CWC27: variants seen among roughly 807,000 people sequenced by gnomAD.
CWC27 encodes CWC27 spliceosome associated cyclophilin.
Under a neutral mutation model 63.6 loss-of-function variants are expected in CWC27, and 47 were observed. The observed-to-expected ratio is 0.74, with a 90% CI of 0.58 to 0.94. The LOEUF (loss-of-function observed/expected upper bound fraction) is 0.94, where lower values mean the gene tolerates loss of function less well. Among genes scored for constraint, CWC27 ranks in the 40% least tolerant of loss-of-function variants. The pLI is 0.00. For missense variants in CWC27, 495 were observed against 554.3 expected, an observed-to-expected ratio of 0.89 and a Z score of 1.07; for synonymous variants, 175 against 179.8, an observed-to-expected ratio of 0.97 and a Z score of 0.22.
At chr5:64,779,409 A>T (rs1431364845) in intron 2 of CWC27, among the ~76,000 whole-genome samples, 1 of 152,194 alleles carries the variant, frequency 6.6e-6, no homozygotes, top group Non-Finnish European at 1.5e-5. Context: ...TTGTTTATTC[A>T]GTACTTCATA....
intron 9 of CWC27, among the ~76,000 whole-genome samples, 179 bp downstream of exon 9, chr5:64,801,511 C>G (rs1744485948): frequency 6.6e-6 from 1 of 151,838 alleles, no homozygotes; most frequent in African/African-American, 2.4e-5. Flanking sequence ...TTTCCTTACT[C>G]TAGGGGTGTG....
chr5:64,997,406 T>C (rs1749652435), intron 13 of CWC27, among the ~76,000 whole-genome samples: 1 of 152,174 alleles, frequency 6.6e-6, no homozygotes, highest in Non-Finnish European at 1.5e-5. Flanking sequence ...GAACAATCCG[T>C]GCTCAATAAA....
At chr5:64,919,667 T>G (rs1055655523) in intron 11 of CWC27, among the ~76,000 whole-genome samples, 3 of 152,220 alleles carry the variant, frequency 2.0e-5, no homozygotes, top group African/African-American at 4.8e-5. Flanking sequence ...GCCATCCATG[T>G]TGCTGCAAAG....
At chr5:64,831,832 T>C (rs1284095437) in intron 10 of CWC27, among the ~76,000 whole-genome samples, 1 of 151,944 alleles carries the variant, frequency 6.6e-6, no homozygotes, top group Non-Finnish European at 1.5e-5. Flanking sequence ...TTATTTTACA[T>C]TTTTATAACT....
intron 1 of CWC27, chr5:64,773,840 A>T (rs529894477): frequency 6.6e-6 from 1 of 152,308 alleles, no homozygotes; most frequent in South Asian, 2.1e-4. Flanking sequence ...ACCAAGGAGT[A>T]TCTGCTGTTA....
At chr5:64,973,995 G>A (rs144401206) in intron 12 of CWC27, among the ~76,000 whole-genome samples, 6 of 152,010 alleles carry the variant, frequency 3.9e-5, no homozygotes, top group African/African-American at 1.4e-4. Context: ...AGGACTTTGG[G>A]AGGCCAAGAT....
chr5:64,875,780 T>A (rs1437342057), intron 10 of CWC27, among the ~76,000 whole-genome samples: 2 of 152,250 alleles, frequency 1.3e-5, no homozygotes, highest in East Asian at 3.9e-4. Flanking sequence ...TAATCTCTTT[T>A]GTTAGACTGA....
Position 64,804,212 on chromosome 5 carries a change from A to AT in CWC27, c.781-13dup, listed in dbSNP as rs760410222. 3.5e-5 allele frequency: 55 copies of AT among 1,577,166 alleles called. No homozygotes were observed. Among genetic ancestry groups the AT allele is most frequent in the Non-Finnish European group, 4.7e-5 (54 of 1,160,674 alleles). On this transcript the variant is annotated splice_polypyrimidine_tract_variant and intron_variant, in intron 9 of 13. Transcript: ENST00000381070. ...GAAATTGAGCACCTGGCAAATACTCATTTTCCATTTCTACAGGATGGAGAA... is the reference window on the plus strand; with the variant it reads ...GAAATTGAGCACCTGGCAAATACTCATTTTTCCATTTCTACAGGATGGAGAA...
intron 13 of CWC27, among the ~76,000 whole-genome samples, chr5:64,986,488 G>A (rs1452461095): frequency 6.6e-6 from 1 of 152,110 alleles, no homozygotes; most frequent in Non-Finnish European, 1.5e-5. Context: ...ATTGGTTTGT[G>A]GTTTTCTCTT....
Position 64,806,587 on chromosome 5 carries a change from A to G in CWC27, c.938+2201A>G, listed in dbSNP as rs951937885. 9.2e-5 allele frequency among the ~76,000 whole-genome samples: 14 copies of G among 152,348 alleles called. 1 individual carries two copies. Among genetic ancestry groups the G allele is most frequent in the African/African-American group, 3.4e-4 (14 of 41,576 alleles). On this transcript the variant is annotated intron_variant, in intron 10 of 13. Transcript: ENST00000381070. Reference sequence around the variant, plus strand: ...AAAATAAGGTCAGGATAGAGGAGAAAGTACAGAATTTCAAAAGGAAGAAAC... The same window carrying G: ...AAAATAAGGTCAGGATAGAGGAGAAGGTACAGAATTTCAAAAGGAAGAAAC...
intron 11 of CWC27, 43 bp downstream of exon 11, chr5:64,885,589 CCTT>C (rs768088382): frequency 2.8e-5 from 39 of 1,413,698 alleles, no homozygotes; most frequent in Non-Finnish European, 3.5e-5. Context: ...TGATACTCCT[CCTT>C]CTCTGTTTTC....
Position 64,769,296 on chromosome 5 carries a change from G to A in CWC27, c.42+108G>A, listed in dbSNP as rs992485226. On this transcript the variant is annotated intron_variant, in intron 1 of 13. Coordinates refer to ENST00000381070, the MANE Select transcript of CWC27 (RefSeq NM_005869.4). ...GGATCTCGTGGTAGGAAGAGACCAC[G>A]AGAAGTGTTGTCTTTACTCCTGCAT... is the stretch of plus-strand genomic sequence containing the variant. 24 of 923,672 alleles carry A rather than the reference G, an allele frequency of 2.6e-5. No homozygotes were observed. In the South Asian group the frequency reaches 3.2e-4, roughly 12 times the overall value. 57.2% of individuals were successfully genotyped at this position (923,672 alleles called of 1,614,324 possible). A position where few individuals can be genotyped will look rare whatever the true frequency, so the allele number is the denominator to read the frequency against.
chr5:64,923,596 T>G (rs965509990), intron 11 of CWC27, among the ~76,000 whole-genome samples: 2 of 143,364 alleles, frequency 1.4e-5, no homozygotes, highest in African/African-American at 2.6e-5. Flanking sequence ...ATGGGAGAGG[T>G]TTTTCCTGGC....
chr5:65,002,187 G>T, intron 13 of CWC27, among the ~76,000 whole-genome samples: 1 of 151,454 alleles, frequency 6.6e-6, no homozygotes. Context: ...TATTTATTTT[G>T]GGCATTTTTC....
intron 11 of CWC27, among the ~76,000 whole-genome samples, chr5:64,964,195 C>T (rs1017510122): frequency 1.3e-5 from 2 of 152,118 alleles, no homozygotes; most frequent in South Asian, 4.1e-4. Flanking sequence ...GAAAAAATTA[C>T]CAAATCAATC....
chr5:64,948,906 T>C (rs1489381590), intron 11 of CWC27, among the ~76,000 whole-genome samples: 1 of 151,964 alleles, frequency 6.6e-6, no homozygotes, highest in African/African-American at 2.4e-5. Flanking sequence ...AGTTTAATAA[T>C]AGTCTACAGA....
chr5:64,969,313 T>A (rs1183833162), intron 11 of CWC27, among the ~76,000 whole-genome samples: 1 of 152,200 alleles, frequency 6.6e-6, no homozygotes, highest in East Asian at 1.9e-4. Flanking sequence ...TTGTCCTTTC[T>A]CTTTTGCATT....
chr5:64,869,991 A>G (rs927161698), intron 10 of CWC27, among the ~76,000 whole-genome samples: 1 of 152,090 alleles, frequency 6.6e-6, no homozygotes, highest in African/African-American at 2.4e-5. Context: ...AAAAAAAACT[A>G]AAAAATGAGA....
chr5:64,900,594 G>T (rs1747478808), intron 11 of CWC27, among the ~76,000 whole-genome samples: 1 of 151,106 alleles, frequency 6.6e-6, no homozygotes, highest in Admixed American at 6.6e-5. Flanking sequence ...GTTCATTTTT[G>T]AATCTAGTTA....
Sources: gnomAD v4.1 joint callset for allele counts (sites outside exome capture counted in the v4.1 genomes callset) on GRCh38, gnomAD v4.1.1 for gene constraint, MANE v1.5 for transcripts, NCBI Gene and HGNC (gene_info 2026-07-23, HGNC 2026-07-21) for gene names.